The following MSH4 variants were observed in gnomAD, a reference collection of about 807,000 sequenced individuals.
MSH4 encodes the protein mutS protein homolog 4.
A neutral mutation model predicts 113.7 loss-of-function variants in MSH4; 106 were observed. The ratio of observed to expected loss-of-function variants is 0.93; its 90% CI spans 0.80 to 1.10. The LOEUF (loss-of-function observed/expected upper bound fraction) is 1.10. Among genes scored for constraint, MSH4 ranks in the 50% least tolerant of loss-of-function variants. The pLI, the probability that MSH4 is intolerant of heterozygous loss-of-function variation, is 0.00. For synonymous variants in MSH4, 368 were observed against 380.2 expected (o/e 0.97, Z 0.37); for missense variants, 1,061 against 1,093.7 (o/e 0.97, Z 0.42).
chr1:75,889,143 G>A (rs1652194879), intron 15 of MSH4, 108 bp from the exon 16 acceptor site: 2 of 586,404 alleles, frequency 3.4e-6, no homozygotes, highest in Admixed American at 3.5e-5. Flanking sequence ...CATATCTAGT[G>A]TTCTTTCTAC....
intron 14 of MSH4, among the ~76,000 whole-genome samples, chr1:75,882,867 A>G (rs553695963): frequency 6.6e-6 from 1 of 152,230 alleles, no homozygotes; most frequent in South Asian, 2.1e-4. Context: ...ATAAATGCTA[A>G]GCGTACCAAA....
chr1:75,807,176 G>C (rs768549980), intron 3 of MSH4, 35 bp downstream of exon 3: 3 of 1,468,930 alleles, frequency 2.0e-6, no homozygotes, highest in East Asian at 2.6e-5. Context: ...TGGTTGCTCT[G>C]TTAGGCAGTA....
rs76474497 is a variant in MSH4, at chr1:75,882,030, C to A, written c.1906+660C>A. 6.4e-4 allele frequency among the ~76,000 whole-genome samples: 98 copies of A among 152,076 alleles called. No homozygotes were observed. In the East Asian group the frequency reaches 0.018, roughly 28 times the overall value. On this transcript the variant is annotated intron_variant, in intron 14 of 19. Transcript: ENST00000263187. ...AAACATTGAAATTTCTAATGTAAAT[C>A]AGCAGTAAAATTTCTAAAATGTTAT... is the stretch of plus-strand genomic sequence containing the variant.
intron 15 of MSH4, among the ~76,000 whole-genome samples, chr1:75,887,107 C>CTGTG (rs1219080428): frequency 1.3e-5 from 2 of 151,952 alleles, no homozygotes; most frequent in African/African-American, 4.8e-5. Flanking sequence ...CCGTTTGACT[C>CTGTG]TGTGTCTCCA....
chr1:75,801,933 C>G (rs1570937226), intron 1 of MSH4, among the ~76,000 whole-genome samples: 1 of 152,102 alleles, frequency 6.6e-6, no homozygotes, highest in East Asian at 1.9e-4. Flanking sequence ...TTTTGGGAGG[C>G]TGAGATGGGA....
At chr1:75,900,622 A>G (rs1352003228) in intron 19 of MSH4, among the ~76,000 whole-genome samples, 2 of 152,092 alleles carry the variant, frequency 1.3e-5, no homozygotes, top group Admixed American at 6.6e-5. Flanking sequence ...ACAGTGTTTT[A>G]AAAATGCAAT....
intron 17 of MSH4, among the ~76,000 whole-genome samples, chr1:75,894,065 A>G (rs935677349): frequency 6.6e-6 from 1 of 152,142 alleles, no homozygotes; most frequent in African/African-American, 2.4e-5. Flanking sequence ...ACTATGAGAA[A>G]TAAATTTGTG....
intron 7 of MSH4, among the ~76,000 whole-genome samples, chr1:75,845,457 A>G (rs955574188): frequency 2.0e-5 from 3 of 152,196 alleles, no homozygotes; most frequent in African/African-American, 7.2e-5. Flanking sequence ...GAAATAGGCA[A>G]TAAGAAAGGA....
intron 19 of MSH4, among the ~76,000 whole-genome samples, chr1:75,907,171 C>T (rs1557534904): frequency 6.6e-6 from 1 of 152,066 alleles, no homozygotes; most frequent in Non-Finnish European, 1.5e-5. Context: ...CTCCCTTTAA[C>T]ATTTCTTATA....
chr1:75,884,068 T>C (rs1651993980), intron 15 of MSH4, among the ~76,000 whole-genome samples: 1 of 152,184 alleles, frequency 6.6e-6, no homozygotes, highest in Non-Finnish European at 1.5e-5. Flanking sequence ...TTGGGAACAT[T>C]CTTACTATAA....
intron 7 of MSH4, among the ~76,000 whole-genome samples, chr1:75,842,405 A>C (rs1381214377): frequency 6.6e-6 from 1 of 152,188 alleles, no homozygotes; most frequent in Non-Finnish European, 1.5e-5. Flanking sequence ...CAAGCCACCC[A>C]GGCCCCAAGG....
intron 4 of MSH4, 86 bp from the exon 5 acceptor site, chr1:75,814,935 A>T: frequency 1.4e-6 from 1 of 696,608 alleles, no homozygotes; most frequent in Non-Finnish European, 2.5e-6. Flanking sequence ...TATTTAAGCC[A>T]CTTACCTAGC....
At chr1:75,819,013 G>A (rs1650350812) in intron 6 of MSH4, among the ~76,000 whole-genome samples, 1 of 151,878 alleles carries the variant, frequency 6.6e-6, no homozygotes, top group Non-Finnish European at 1.5e-5. Flanking sequence ...TGATCCACCC[G>A]CCTCGGCCTC....
chr1:75,881,035 C>A (rs1434716306), intron 13 of MSH4, among the ~76,000 whole-genome samples: 2 of 151,932 alleles, frequency 1.3e-5, no homozygotes, highest in East Asian at 1.9e-4. Context: ...AAGATAGATT[C>A]TTTGCCACTA....
chr1:75,817,232 T>C (rs908693960), intron 6 of MSH4, among the ~76,000 whole-genome samples: 1 of 152,204 alleles, frequency 6.6e-6, no homozygotes, highest in African/African-American at 2.4e-5. Flanking sequence ...AGGAACTTAA[T>C]AGACATTTTC....
Position 75,878,213 on chromosome 1 carries a change from T to G in MSH4, c.1435T>G (p.Cys479Gly). ...TGATGATGCAAGATACATGAAAGGA[T>G]GCCTAAACATGAGGACTCAGAAGTG... The part of the protein sequence containing the change: ...INDDARYMKG[C>G]LNMRTQKCYA... The change falls in exon 11 of 20, where the codon TGC becomes GGC. Residue 479 changes from cysteine to glycine, a missense_variant. Coordinates refer to ENST00000263187, the MANE Select transcript of MSH4 (RefSeq NM_002440.4). The G allele has an allele frequency of 6.2e-7, 1 of 1,608,956 alleles. No homozygotes were observed.
chr1:75,866,392 G>A, intron 8 of MSH4, among the ~76,000 whole-genome samples: 1 of 152,024 alleles, frequency 6.6e-6, no homozygotes, highest in Non-Finnish European at 1.5e-5. Context: ...TCAAACTCTT[G>A]AGCTCAAGTG....
At chr1:75,842,817 C>G (rs1650990953) in intron 7 of MSH4, among the ~76,000 whole-genome samples, 3 of 152,134 alleles carry the variant, frequency 2.0e-5, no homozygotes, top group African/African-American at 7.2e-5. Context: ...GAAAGGGAGT[C>G]TCCCTTTCCC....
chr1:75,852,779 T>G (rs1476563577), intron 8 of MSH4, among the ~76,000 whole-genome samples: 2 of 152,192 alleles, frequency 1.3e-5, no homozygotes, highest in Non-Finnish European at 2.9e-5. Context: ...CCTTATTGGA[T>G]ATATGATTTG....
Sources: allele counts gnomAD v4.1 joint callset (sites outside exome capture counted in the v4.1 genomes callset), GRCh38; gene constraint gnomAD v4.1.1; transcripts MANE v1.5; gene names NCBI Gene and HGNC (gene_info 2026-07-23, HGNC 2026-07-21).